Variants in SNAP91 observed in about 807,000 individuals in gnomAD.
SNAP91 encodes the protein clathrin coat assembly protein AP180.
Under a neutral mutation model 100.3 loss-of-function variants are expected in SNAP91, and 27 were observed. The observed-to-expected ratio is 0.27, with a 90% CI of 0.20 to 0.37. The LOEUF (loss-of-function observed/expected upper bound fraction) is 0.37, where lower values mean the gene tolerates loss of function less well. Among genes scored for constraint, SNAP91 ranks in the 10% least tolerant of loss-of-function variants. The probability of loss-of-function intolerance (pLI) is 1.00; values close to 1 mark genes in which losing one functional copy is unlikely to be tolerated. For missense variants in SNAP91, 986 were observed against 1,123.7 expected, an observed-to-expected ratio of 0.88 and a Z score of 1.75; for synonymous variants, 404 against 398.6, an observed-to-expected ratio of 1.01 and a Z score of -0.16.
chr6:83,585,437 G>A (rs2092306662), intron 22 of SNAP91, among the ~76,000 whole-genome samples: 1 of 151,990 alleles, frequency 6.6e-6, no homozygotes, highest in South Asian at 2.1e-4. Flanking sequence ...GCTGAAGTGG[G>A]AGGATTGCTT....
chr6:83,695,616 T>G (rs12201719), intron 2 of SNAP91, among the ~76,000 whole-genome samples: 45,193 of 151,996 alleles, frequency 0.3, 7,396 homozygotes, highest in East Asian at 0.53. Context: ...TGATTAATAT[T>G]GCCAACCCAC....
intron 21 of SNAP91, 107 bp from the exon 22 acceptor site, chr6:83,591,401 G>A: frequency 1.4e-6 from 1 of 698,582 alleles, no homozygotes; most frequent in Non-Finnish European, 2.6e-6. Context: ...ACAGTGTACA[G>A]TGAGCTTGTC....
In SNAP91 at chr6:83,560,925, C is replaced by T; in HGVS notation, c.2465G>A (p.Ser822Asn). The T allele has an allele frequency of 6.2e-7, 1 of 1,612,294 alleles. No individual in the cohort carries two copies. The highest frequency in any genetic ancestry group is 8.5e-7 in the Non-Finnish European group (1 of 1,179,302). Residue 822 changes from serine (S) to asparagine (N), a missense_variant, in exon 27 of 30, where the codon AGT (serine) becomes AAT (asparagine). This residue lies in a region of SNAP91 where 575 missense variants were observed against 579.9 expected (regional missense o/e 0.99). Transcript: ENST00000369694. ...GGCCCCGGCAACAGGAGGAACTGAA[C>T]TGGTTGGAGGTACAGCTCCTTGCTA... ...APLQGAVPPT[S>N]SVPPVAGAPS... is the part of the protein sequence containing the mutation.
chr6:83,695,025 A>C (rs2099181053), intron 2 of SNAP91, among the ~76,000 whole-genome samples: 1 of 152,118 alleles, frequency 6.6e-6, no homozygotes. Context: ...CAATCCCAAT[A>C]CTTTGGGAGG....
rs190371755 is a variant in SNAP91 at position 83,693,332 on chromosome 6, C to A, written c.130+14466G>T. Among the ~76,000 whole-genome samples the A allele has an allele frequency of 1.1e-4, 17 of 152,302 alleles. No individual in the cohort carries two copies. The East Asian group carries it at 3.1e-3, about 28-fold the overall frequency. On this transcript the variant is annotated intron_variant, in intron 2 of 29. Transcript: ENST00000369694. ...ATCAGTCACATACATGGGCCAGGCA[C>A]AGTAAGTGCTCCACACATCGGCCTC... is the stretch of plus-strand genomic sequence containing the variant.
chr6:83,619,988 A>C (rs2096648447), intron 9 of SNAP91, among the ~76,000 whole-genome samples: 1 of 152,218 alleles, frequency 6.6e-6, no homozygotes, highest in African/African-American at 2.4e-5. Flanking sequence ...TGATATATTC[A>C]GTTCTTACCC....
chr6:83,692,226 T>C (rs182313569), intron 2 of SNAP91, among the ~76,000 whole-genome samples: 20 of 152,308 alleles, frequency 1.3e-4, no homozygotes, highest in Admixed American at 3.9e-4. Flanking sequence ...GTTGTTGCTG[T>C]TACTGCCATT....
Position 83,709,097 on chromosome 6 carries a change from G to A in SNAP91, c.-283C>T, listed in dbSNP as rs557332270. On this transcript the variant is annotated 5_prime_UTR_variant, in exon 1 of 30. Coordinates refer to ENST00000369694, the MANE Select transcript of SNAP91 (RefSeq NM_001242792.2). ...CCGCCGCGTCTCTCTAGCGCTCCGA[G>A]CTGCGTCCCCATCCCCGCCCCCACC... 29 of 152,786 alleles carry A rather than the reference G, an allele frequency of 1.9e-4. No individual in the cohort carries two copies. The highest frequency in any genetic ancestry group is 6.7e-4 in the African/African-American group (28 of 41,574). The allele number at this position is 152,786 out of a possible 1,614,324, so 9.5% of individuals were successfully genotyped here. A position where few individuals can be genotyped will look rare whatever the true frequency, so the allele number is the denominator to read the frequency against.
intron 24 of SNAP91, among the ~76,000 whole-genome samples, chr6:83,580,151 T>G (rs1825948379): frequency 1.3e-5 from 2 of 152,196 alleles, no homozygotes; most frequent in South Asian, 4.1e-4. Context: ...GAAAGTTAAG[T>G]GCTTTTTACA....
intron 16 of SNAP91, among the ~76,000 whole-genome samples, chr6:83,596,897 T>C (rs1295755377): frequency 2.6e-5 from 4 of 152,226 alleles, no homozygotes; most frequent in African/African-American, 9.6e-5. Flanking sequence ...CCTCATTCTA[T>C]TATATTACTC....
chr6:83,580,710 T>A, intron 23 of SNAP91, 111 bp from the exon 24 acceptor site: 1 of 1,073,274 alleles, frequency 9.3e-7, no homozygotes, highest in South Asian at 2.0e-5. Flanking sequence ...ATATAAAATC[T>A]TATAAAAGAA....
chr6:83,697,996 G>A (rs2099242668), intron 2 of SNAP91, among the ~76,000 whole-genome samples: 1 of 151,932 alleles, frequency 6.6e-6, no homozygotes, highest in Non-Finnish European at 1.5e-5. Context: ...AATGCACAGG[G>A]GGCCATGTAG....
chr6:83,554,273 A>G lies in SNAP91; in HGVS notation c.*23T>C. 3.3e-6 allele frequency: 1 copy of G among 307,380 alleles called. No individual in the cohort carries two copies. The highest frequency in any genetic ancestry group is 2.3e-5 in the African/African-American group (1 of 43,676). 19.0% of individuals were successfully genotyped at this position (307,380 alleles called of 1,614,324 possible). Reference sequence around the variant, plus strand: ...AACTCATTTATTTTCCTATTCAGTCACAAATATTGCAGCTGTAAAGAAAAC... The same window carrying G: ...AACTCATTTATTTTCCTATTCAGTCGCAAATATTGCAGCTGTAAAGAAAAC... On this transcript the variant is annotated 3_prime_UTR_variant, in exon 30 of 30. Coordinates refer to ENST00000369694, the MANE Select transcript of SNAP91 (RefSeq NM_001242792.2).
At chr6:83,570,646 G>T (rs1304625960) in intron 26 of SNAP91, among the ~76,000 whole-genome samples, 1 of 152,126 alleles carries the variant, frequency 6.6e-6, no homozygotes, top group Non-Finnish European at 1.5e-5. Flanking sequence ...GGCTGCTCCA[G>T]CTGTGACTCA....
In SNAP91 at chr6:83,601,565, A is replaced by G; in HGVS notation, c.1156+20T>C. On this transcript the variant is annotated intron_variant, in intron 15 of 29. Transcript: ENST00000369694. ...CAGAAGTCTGTCAAAATGGAAGTTTAAAAACAAAGCTTTACTCACCCTCTC... is the reference window on the plus strand; with the variant it reads ...CAGAAGTCTGTCAAAATGGAAGTTTGAAAACAAAGCTTTACTCACCCTCTC... The G allele has an allele frequency of 6.2e-7, 1 of 1,613,458 alleles. No individual in the cohort carries two copies. The highest frequency in any genetic ancestry group is 2.2e-5 in the East Asian group (1 of 44,880).
intron 2 of SNAP91, among the ~76,000 whole-genome samples, chr6:83,670,940 G>T (rs2098774131): frequency 1.3e-5 from 2 of 151,852 alleles, no homozygotes; most frequent in Admixed American, 1.3e-4. Flanking sequence ...GATAGTGTTA[G>T]CCCTTCAAGT....
At chr6:83,684,087 G>C (rs2099028439) in intron 2 of SNAP91, among the ~76,000 whole-genome samples, 2 of 152,058 alleles carry the variant, frequency 1.3e-5, no homozygotes, top group South Asian at 4.2e-4. Context: ...AAATACAAAT[G>C]CGATTATGTC....
intron 12 of SNAP91, among the ~76,000 whole-genome samples, chr6:83,610,380 C>G (rs539841134): frequency 1.1e-3 from 161 of 151,534 alleles, no homozygotes; most frequent in Non-Finnish European, 2.1e-3. Context: ...TATGCGCTCA[C>G]ATATATGAGG....
In SNAP91 at chr6:83,708,829, G is replaced by C. The variant is rs217283; in HGVS notation, c.-31+16C>G. The C allele has an allele frequency of 0.69, 105,142 of 151,846 alleles. 39,036 individuals carry two copies. Among genetic ancestry groups the C allele is most frequent in the Non-Finnish European group, 0.81 (55,200 of 67,876 alleles). 9.4% of individuals were successfully genotyped at this position (151,846 alleles called of 1,614,324 possible). ...CTGGCGCGGGGAGGGGGCCGAGTACGGCCGCGGGTACTCACCCCGCCCCTG... is the reference window on the plus strand; with the variant it reads ...CTGGCGCGGGGAGGGGGCCGAGTACCGCCGCGGGTACTCACCCCGCCCCTG... On this transcript the variant is annotated intron_variant, in intron 1 of 29. Coordinates refer to ENST00000369694, the MANE Select transcript of SNAP91 (RefSeq NM_001242792.2).
Sources: gnomAD v4.1 joint callset for allele counts (sites outside exome capture counted in the v4.1 genomes callset) on GRCh38, gnomAD v4.1.1 for gene constraint, gnomAD v4.1.1 regional missense constraint, MANE v1.5 for transcripts, NCBI Gene and HGNC (gene_info 2026-07-23, HGNC 2026-07-21) for gene names.